Variants in ELMO1 observed in about 807,000 individuals in gnomAD.
ELMO1 encodes engulfment and cell motility 1.
In ELMO1, 26 loss-of-function variants were observed where a neutral mutation model predicts 98.9. The ratio of observed to expected loss-of-function variants is 0.26; its 90% confidence interval spans 0.19 to 0.36. The LOEUF is 0.36. Ranked by LOEUF, ELMO1 falls within the 10% of genes least tolerant of loss-of-function variation. ELMO1 has a pLI of 1.00. For synonymous variants in ELMO1, 346 were observed against 346.0 expected (o/e 1.00, Z 0.00); for missense variants, 627 against 935.2 (o/e 0.67, Z 4.30).
At chr7:37,104,083 T>C (rs2129269019) in intron 14 of ELMO1, among the ~76,000 whole-genome samples, 1 of 147,896 alleles carries the variant, frequency 6.8e-6, no homozygotes, top group South Asian at 2.2e-4. Context: ...ATAATTTTCT[T>C]CCAGTCAAGA....
intron 14 of ELMO1, among the ~76,000 whole-genome samples, chr7:37,129,450 C>T (rs751155613): frequency 3.9e-5 from 6 of 152,208 alleles, no homozygotes; most frequent in Non-Finnish European, 5.9e-5. Flanking sequence ...TCACTGCCTA[C>T]GGCATATGTC....
intron 14 of ELMO1, among the ~76,000 whole-genome samples, chr7:37,098,604 C>T (rs1250134850): frequency 6.6e-6 from 1 of 152,218 alleles, no homozygotes; most frequent in African/African-American, 2.4e-5. Context: ...CTCCCCAAAA[C>T]ATATGCACTC....
At chr7:37,211,134 T>C (rs1258668950) in intron 13 of ELMO1, 1 of 413,896 alleles carries the variant, frequency 2.4e-6, no homozygotes, top group East Asian at 4.5e-5. Flanking sequence ...GGCTAACTAC[T>C]CTCGGTTACA....
intron 16 of ELMO1, among the ~76,000 whole-genome samples, chr7:36,969,224 C>T (rs879669412): frequency 6.6e-6 from 1 of 151,802 alleles, no homozygotes; most frequent in Middle Eastern, 3.4e-3. Context: ...AAAGACATGC[C>T]ATCACAGCTA....
At chr7:37,258,052 G>A (rs759915000) in intron 6 of ELMO1, among the ~76,000 whole-genome samples, 232 of 151,648 alleles carry the variant, frequency 1.5e-3, no homozygotes, top group Non-Finnish European at 2.3e-3. Context: ...GGCAGATCAC[G>A]AGGTCAAGAG....
chr7:37,210,629 T>TA (rs1234251930), intron 13 of ELMO1, among the ~76,000 whole-genome samples: 7 of 151,652 alleles, frequency 4.6e-5, no homozygotes, highest in South Asian at 4.2e-4. Flanking sequence ...AGCTTATATA[T>TA]TTTTTTCCAA....
chr7:37,320,138 G>A (rs1296224459), intron 2 of ELMO1, among the ~76,000 whole-genome samples: 7 of 152,088 alleles, frequency 4.6e-5, no homozygotes, highest in African/African-American at 1.7e-4. Context: ...TTAGCTGGGC[G>A]TGGTGGCCCA....
intron 4 of ELMO1, among the ~76,000 whole-genome samples, chr7:37,281,985 T>C (rs894096133): frequency 1.3e-5 from 2 of 152,152 alleles, no homozygotes; most frequent in East Asian, 1.9e-4. Flanking sequence ...GGCATCTCGA[T>C]AGGATGTCTT....
chr7:37,292,713 A>T (rs1186809213), intron 4 of ELMO1, among the ~76,000 whole-genome samples: 3 of 86,320 alleles, frequency 3.5e-5, no homozygotes, highest in East Asian at 3.8e-4. Context: ...TCCGCCCGGC[A>T]GCCGCCCCGT....
intron 13 of ELMO1, among the ~76,000 whole-genome samples, chr7:37,208,815 G>A (rs988136242): frequency 6.6e-6 from 1 of 152,098 alleles, no homozygotes; most frequent in Admixed American, 6.5e-5. Context: ...TCAACTCTCT[G>A]ATGCAAGACT....
At chr7:37,347,403 C>CT (rs1213338202) in intron 1 of ELMO1, among the ~76,000 whole-genome samples, 1 of 150,352 alleles carries the variant, frequency 6.7e-6, no homozygotes, top group Admixed American at 6.6e-5. Context: ...TCAACAGTCC[C>CT]TTCCCCTCAG....
intron 1 of ELMO1, among the ~76,000 whole-genome samples, chr7:37,402,821 A>T (rs1366436528): frequency 6.6e-6 from 1 of 152,182 alleles, no homozygotes; most frequent in Non-Finnish European, 1.5e-5. Context: ...CTGTTCCCAA[A>T]CTACAGTCAC....
intron 5 of ELMO1, among the ~76,000 whole-genome samples, 180 bp from the exon 6 acceptor site, chr7:37,259,530 G>C (rs528498779): frequency 6.6e-6 from 1 of 152,160 alleles, no homozygotes; most frequent in Non-Finnish European, 1.5e-5. Context: ...TCCACCTTCA[G>C]AGCGAGGTCT....
rs182547677 is a variant in ELMO1, at chr7:37,143,954, A to G, written c.1087-10720T>C. Among the ~76,000 whole-genome samples the G allele has an allele frequency of 1.6e-3, 245 of 151,026 alleles. 2 individuals carry two copies. The highest frequency in any genetic ancestry group is 5.6e-3 in the African/African-American group (232 of 41,110). On this transcript the variant is annotated intron_variant, in intron 13 of 21. Transcript: ENST00000310758. ...TCAAACTCCTGACCTCAGGTAATCC[A>G]CCCGCCTTGGCCTCCCAAAGTGCTG...
chr7:37,262,866 A>G (rs1468957124), intron 5 of ELMO1, among the ~76,000 whole-genome samples: 1 of 152,170 alleles, frequency 6.6e-6, no homozygotes, highest in Non-Finnish European at 1.5e-5. Flanking sequence ...TTTCCCCATC[A>G]GTAGGTACAC....
rs148803044 is a variant in ELMO1 at position 36,899,611 on chromosome 7, A to C, written c.1438-4594T>G. Among the ~76,000 whole-genome samples the C allele has an allele frequency of 3.0e-3, 430 of 142,552 alleles. 2 individuals are homozygous for C. Among genetic ancestry groups the C allele is most frequent in the Middle Eastern group, 0.016 (4 of 258 alleles). The allele number at this position is 142,552 out of a possible 152,430, so 93.5% of individuals were successfully genotyped here. On this transcript the variant is annotated intron_variant, in intron 16 of 21. Transcript: ENST00000310758. ...ACACGTGATTTTGAATCCAGCATGC[A>C]TGTTTCCTGGGGCTTTGACCTTCCT... is the stretch of plus-strand genomic sequence containing the variant.
chr7:37,188,455 A>AAC (rs10684681), intron 13 of ELMO1, among the ~76,000 whole-genome samples: 77,797 of 110,222 alleles, frequency 0.71, 24,983 homozygotes, highest in East Asian at 0.85. Context: ...CACACACGCA[A>AAC]ACACACACAC....
intron 1 of ELMO1, among the ~76,000 whole-genome samples, chr7:37,428,473 G>A (rs1804800112): frequency 6.6e-6 from 1 of 152,188 alleles, no homozygotes; most frequent in African/African-American, 2.4e-5. Flanking sequence ...TATATGCCTG[G>A]AGCCAATCTC....
rs541364220 is a variant in ELMO1 at position 37,019,277 on chromosome 7, C to T, written c.1301-5842G>A. Among the ~76,000 whole-genome samples the T allele has an allele frequency of 9.8e-5, 15 of 152,358 alleles. 1 individual carries two copies. The East Asian group carries it at 1.5e-3, about 16-fold the overall frequency. On this transcript the variant is annotated intron_variant, in intron 15 of 21. Coordinates refer to ENST00000310758, the MANE Select transcript of ELMO1 (RefSeq NM_014800.11). ...ATGAAGGGGTTGGCCTGCCATCATT[C>T]TAAGATTCTTGAAGACTCCTCCTTT...
Sources: gnomAD v4.1 joint callset for allele counts (sites outside exome capture counted in the v4.1 genomes callset) on GRCh38, gnomAD v4.1.1 for gene constraint, MANE v1.5 for transcripts, NCBI Gene and HGNC (gene_info 2026-07-23, HGNC 2026-07-21) for gene names.